Variants in SS18L2 observed in about 807,000 individuals in gnomAD.
SS18L2 encodes the protein SS18-like protein 2.
A neutral mutation model predicts 10.3 loss-of-function variants in SS18L2; 8 were observed. The ratio of observed to expected loss-of-function variants is 0.78; its 90% confidence interval spans 0.46 to 1.41. The LOEUF is 1.41. Ranked by LOEUF, SS18L2 falls within the 40% of genes most tolerant of loss-of-function variation. The pLI, the probability that SS18L2 is intolerant of heterozygous loss-of-function variation, is 0.00. For missense variants in SS18L2, 100 were observed against 96.2 expected, an observed-to-expected ratio of 1.04 and a Z score of -0.17; for synonymous variants, 41 against 34.6, an observed-to-expected ratio of 1.19 and a Z score of -0.65.
At chr3:42,585,840 C>A (rs923242685) in intron 1 of SS18L2, among the ~76,000 whole-genome samples, 1 of 152,164 alleles carries the variant, frequency 6.6e-6, no homozygotes, top group Non-Finnish European at 1.5e-5. Flanking sequence ...GTCCTCAACA[C>A]CTTTCAGCGC....
At chr3:42,582,178 C>T (rs535274288) in intron 1 of SS18L2, 2 of 152,218 alleles carry the variant, frequency 1.3e-5, no homozygotes, top group African/African-American at 4.8e-5. Context: ...TTTCTTCCCA[C>T]CTCCCGGCTC....
upstream of SS18L2, among the ~76,000 whole-genome samples, chr3:42,587,090 T>A (rs1704637433): frequency 6.6e-6 from 1 of 152,208 alleles, no homozygotes. Flanking sequence ...TCCCACTATC[T>A]CTGGCCTGCA....
intron 1 of SS18L2, among the ~76,000 whole-genome samples, chr3:42,582,968 T>C (rs574596849): frequency 6.6e-6 from 1 of 152,324 alleles, no homozygotes; most frequent in South Asian, 2.1e-4. Context: ...ACAATGTGAA[T>C]GTACCAAATG....
Position 42,594,503 on chromosome 3 carries a change from GGAATAATCTTTCAAAAGCAATA to G in SS18L2, c.*5_*26del, listed in dbSNP as rs746724424. 5.3e-5 allele frequency: 86 copies of G among 1,612,744 alleles called. No homozygotes were observed. Among genetic ancestry groups the G allele is most frequent in the Middle Eastern group, 1.6e-4 (1 of 6,066 alleles). ...GTCCAACCAGCACTTCAAAAGCAAT[GGAATAATCTTTCAAAAGCAATA>G]GAATAATCTTCCATTTGGCTGTCGT... On this transcript the variant is annotated stop_retained_variant and 3_prime_UTR_variant, in exon 3 of 3. Transcript: ENST00000011691.
intron 2 of SS18L2, among the ~76,000 whole-genome samples, chr3:42,592,626 T>C (rs1225009197): frequency 6.6e-6 from 1 of 152,230 alleles, no homozygotes; most frequent in Non-Finnish European, 1.5e-5. Flanking sequence ...AGTAGAGATA[T>C]CAGTTTTTGG....
At chr3:42,591,246 C>T in intron 1 of SS18L2, 1 of 584,894 alleles carries the variant, frequency 1.7e-6, no homozygotes, top group East Asian at 2.8e-5. Context: ...GTCGCCCAGG[C>T]TGGAGTGCAG....
In SS18L2 at chr3:42,596,920, TC is replaced by T. The variant is rs1378418905; in HGVS notation, c.*2413del. On this transcript the variant is annotated 3_prime_UTR_variant, in exon 3 of 3. Transcript: ENST00000011691. ...GTATATCCCAAATTAAATATTTCAT[TC>T]CTGAGCTCTAAAACCTATTTACATT... Among the ~76,000 whole-genome samples the T allele has an allele frequency of 6.6e-6, 1 of 152,236 alleles. No homozygotes were observed. Among genetic ancestry groups the T allele is most frequent in the African/African-American group, 2.4e-5 (1 of 41,468 alleles).
chr3:42,592,198 C>T (rs1425146576), intron 2 of SS18L2, among the ~76,000 whole-genome samples: 1 of 151,716 alleles, frequency 6.6e-6, no homozygotes. Flanking sequence ...CCATTTTTTT[C>T]TTTTCTTTTT....
In SS18L2 at chr3:42,595,260, TAA is replaced by T. The variant is rs2125742856; in HGVS notation, c.*752_*753del. ...ATGTTGTATTTTGTTGATGTTCCTTTAAGTCACTTAAAGAATACTTAATAGTT... is the reference window on the plus strand; with the variant it reads ...ATGTTGTATTTTGTTGATGTTCCTTTGTCACTTAAAGAATACTTAATAGTT... On this transcript the variant is annotated 3_prime_UTR_variant, in exon 3 of 3. Coordinates refer to ENST00000011691, the MANE Select transcript of SS18L2 (RefSeq NM_001370300.1). 1 of 152,348 alleles carries T rather than the reference TAA, an allele frequency of 6.6e-6. No individual in the cohort carries two copies. The highest frequency in any genetic ancestry group is 6.5e-5 in the Admixed American group (1 of 15,300). The allele number at this position is 152,348 out of a possible 1,614,324, so 9.4% of individuals were successfully genotyped here.
At position 42,595,737 on chromosome 3, in the gene SS18L2, C is replaced by G. The variant is rs1705009428; in HGVS notation, c.*1228C>G. Among the ~76,000 whole-genome samples, 2 of 152,218 alleles carry G rather than the reference C, an allele frequency of 1.3e-5. No homozygotes were observed. Among genetic ancestry groups the G allele is most frequent in the Non-Finnish European group, 2.9e-5 (2 of 68,040 alleles). On this transcript the variant is annotated 3_prime_UTR_variant, in exon 3 of 3. Transcript: ENST00000011691. The stretch of plus-strand genomic sequence containing the variant: ...CCAAAATTAGAAGCCCAGGTCCCTG[C>G]TCCTTTTTTTGGAGTCAAGGGTTGC...
chr3:42,591,025 C>T, intron 1 of SS18L2, 59 bp downstream of exon 1: 1 of 1,532,590 alleles, frequency 6.5e-7, no homozygotes, highest in Non-Finnish European at 8.8e-7. Flanking sequence ...CGAGGGGCTG[C>T]GGGGTGCGAG....
chr3:42,592,911 C>T (rs537230383), intron 2 of SS18L2, among the ~76,000 whole-genome samples: 1 of 148,956 alleles, frequency 6.7e-6, no homozygotes, highest in Admixed American at 6.6e-5. Flanking sequence ...AATGTTTTGT[C>T]CCTTCTTGAA....
chr3:42,587,700 C>A (rs1421363240), upstream of SS18L2: 1 of 151,726 alleles, frequency 6.6e-6, no homozygotes, highest in African/African-American at 2.4e-5. Context: ...CGTGCCACAG[C>A]ACTCCAGCCT....
intron 1 of SS18L2, 159 bp from the exon 2 acceptor site, chr3:42,591,366 T>G: frequency 1.6e-6 from 1 of 611,802 alleles, no homozygotes; most frequent in Non-Finnish European, 2.9e-6. Context: ...TCCCGGCTAA[T>G]TTTTGTATTT....
In SS18L2 at chr3:42,594,672, C is replaced by G; in HGVS notation, c.*163C>G. ...TCGAAACGTGAAAATGTGAAGAAAG[C>G]TACTAACTTAGCTGTATTCTCATGT... On this transcript the variant is annotated 3_prime_UTR_variant, in exon 3 of 3. Coordinates refer to ENST00000011691, the MANE Select transcript of SS18L2 (RefSeq NM_001370300.1). The G allele has an allele frequency of 3.6e-6, 2 of 561,894 alleles. No homozygotes were observed. Among genetic ancestry groups the G allele is most frequent in the Non-Finnish European group, 6.3e-6 (2 of 318,390 alleles). The allele number at this position is 561,894 out of a possible 1,614,324, so 34.8% of individuals were successfully genotyped here.
At position 42,596,796 on chromosome 3, in the gene SS18L2, A is replaced by C. The variant is rs776931834; in HGVS notation, c.*2287A>C. ...GATGAAGAAAGTAAACTTCAGAGAG[A>C]TCAAAGTGATTTGTCTCAGGTCACA... is the stretch of plus-strand genomic sequence containing the variant. On this transcript the variant is annotated 3_prime_UTR_variant, in exon 3 of 3. Coordinates refer to ENST00000011691, the MANE Select transcript of SS18L2 (RefSeq NM_001370300.1). Among the ~76,000 whole-genome samples, 5 of 152,216 alleles carry C rather than the reference A, an allele frequency of 3.3e-5. No individual in the cohort carries two copies. The highest frequency in any genetic ancestry group is 7.3e-5 in the Non-Finnish European group (5 of 68,040).
At chr3:42,589,046 C>T (rs577467103), upstream of SS18L2, among the ~76,000 whole-genome samples, 110 of 151,870 alleles carry the variant, frequency 7.2e-4, 1 homozygote, top group African/African-American at 2.5e-3. Flanking sequence ...GGGCGGATCA[C>T]GAGGTCAGGA....
upstream of SS18L2, chr3:42,590,710 C>T (rs977718867): frequency 1.5e-6 from 1 of 660,760 alleles, no homozygotes; most frequent in Non-Finnish European, 2.7e-6. Context: ...GATACGAAAA[C>T]GCCCCCGGCG....
At chr3:42,586,748 A>G (rs140584943), upstream of SS18L2, among the ~76,000 whole-genome samples, 787 of 152,276 alleles carry the variant, frequency 5.2e-3, 7 homozygotes, top group African/African-American at 0.018. Context: ...AGTTCCAGTC[A>G]GTTTCTACAA....
Sources: allele counts gnomAD v4.1 joint callset (sites outside exome capture counted in the v4.1 genomes callset), GRCh38; gene constraint gnomAD v4.1.1; transcripts MANE v1.5; gene names NCBI Gene and HGNC (gene_info 2026-07-23, HGNC 2026-07-21).